Variants in SYNPO2 observed in about 807,000 individuals in gnomAD.
SYNPO2 encodes synaptopodin-2.
Under a neutral mutation model 85.0 loss-of-function variants are expected in SYNPO2, and 56 were observed. That is an observed-to-expected ratio of 0.66 (90% CI 0.53 to 0.82). The LOEUF is 0.82. Among genes scored for constraint, SYNPO2 ranks in the 40% least tolerant of loss-of-function variants. The pLI is 0.00. For synonymous variants in SYNPO2, 602 were observed against 591.1 expected, an observed-to-expected ratio of 1.02 and a Z score of -0.27; for missense variants, 1,575 against 1,534.2, an observed-to-expected ratio of 1.03 and a Z score of -0.44.
chr4:118,863,228 G>A (rs1415232321), intron 1 of SYNPO2, among the ~76,000 whole-genome samples: 2 of 152,176 alleles, frequency 1.3e-5, no homozygotes, highest in Non-Finnish European at 2.9e-5. Context: ...AGTTTGAGTA[G>A]GATTTGTATT....
intron 1 of SYNPO2, among the ~76,000 whole-genome samples, chr4:118,857,534 G>T (rs1731526799): frequency 6.6e-6 from 1 of 152,106 alleles, no homozygotes; most frequent in African/African-American, 2.4e-5. Flanking sequence ...TGCCAGTAAA[G>T]AACCACACAG....
intron 1 of SYNPO2, among the ~76,000 whole-genome samples, chr4:118,980,751 G>C (rs1033867748): frequency 4.6e-5 from 7 of 152,170 alleles, no homozygotes; most frequent in Non-Finnish European, 1.0e-4. Flanking sequence ...TTATAAAATG[G>C]ATAAAAGTGA....
At chr4:118,926,681 G>C (rs547095958) in intron 1 of SYNPO2, among the ~76,000 whole-genome samples, 1 of 152,112 alleles carries the variant, frequency 6.6e-6, no homozygotes, top group Admixed American at 6.6e-5. Flanking sequence ...GCAAAGAAAA[G>C]AATATGATCA....
chr4:118,935,755 A>C (rs76579834), intron 1 of SYNPO2, among the ~76,000 whole-genome samples: 1 of 152,382 alleles, frequency 6.6e-6, no homozygotes, highest in South Asian at 2.1e-4. Context: ...ACACATATTA[A>C]TATCTTGTAC....
At chr4:119,012,384 T>TTC (rs1487472292) in intron 1 of SYNPO2, among the ~76,000 whole-genome samples, 7 of 127,664 alleles carry the variant, frequency 5.5e-5, no homozygotes, top group African/African-American at 2.0e-4. Context: ...TCTTTTTTTT[T>TTC]TTTTTTTTTA....
chr4:118,885,387 G>A (rs1560822794), upstream of SYNPO2, among the ~76,000 whole-genome samples: 1 of 152,078 alleles, frequency 6.6e-6, no homozygotes, highest in Non-Finnish European at 1.5e-5. Flanking sequence ...TGAAGTCCAG[G>A]TCAGAGATAG....
chr4:118,882,321 G>T (rs1034963476), intron 1 of SYNPO2, among the ~76,000 whole-genome samples: 3 of 152,102 alleles, frequency 2.0e-5, no homozygotes, highest in African/African-American at 7.2e-5. Flanking sequence ...AGAAGCTATT[G>T]TTTAAATTTC....
intron 1 of SYNPO2, among the ~76,000 whole-genome samples, chr4:119,010,408 C>T (rs916764370): frequency 1.3e-5 from 2 of 152,162 alleles, no homozygotes; most frequent in African/African-American, 4.8e-5. Flanking sequence ...AAAGCAGAAA[C>T]CCCTGACAAA....
chr4:118,954,040 G>A (rs1021798761), intron 1 of SYNPO2, among the ~76,000 whole-genome samples: 35 of 152,164 alleles, frequency 2.3e-4, no homozygotes, highest in African/African-American at 8.4e-4. Flanking sequence ...CTGTCTATGT[G>A]GGACTGCTCT....
rs28519602 is a variant in SYNPO2, at chr4:118,944,622, A to G, written c.105+55481A>G. ...TCAGGCCGTGTTTTACCAACTAGTA[A>G]TAATTACAAAAAAAACACCCAATAA... is the stretch of plus-strand genomic sequence containing the variant. On this transcript the variant is annotated intron_variant, in intron 1 of 4. Coordinates refer to ENST00000307142, the MANE Select transcript of SYNPO2 (RefSeq NM_133477.3). Among the ~76,000 whole-genome samples the G allele has an allele frequency of 3.3e-3, 496 of 149,686 alleles. 3 individuals are homozygous for G. The highest frequency in any genetic ancestry group is 0.01 in the African/African-American group (413 of 41,088).
At chr4:118,993,162 C>T (rs1401067130) in intron 1 of SYNPO2, among the ~76,000 whole-genome samples, 1 of 150,060 alleles carries the variant, frequency 6.7e-6, no homozygotes, top group East Asian at 1.9e-4. Context: ...AAATTAAATT[C>T]TGATTTTCGG....
chr4:118,889,127 T>G lies in SYNPO2; in HGVS notation c.91T>G (p.Leu31Val), dbSNP rs775813234. ...AGGTGGCAAGGAGCAGAAGCAGCCC[T>G]TACAAGTTGCAAAGGTAGGACCTGA... ...LQGGKEQKQPLQVAKIRNQSK... is the reference protein window; with the variant it reads ...LQGGKEQKQPVQVAKIRNQSK... The change falls in exon 1 of 5, where the codon TTA becomes GTA. Residue 31 changes from leucine to valine, a missense_variant. Physicochemically the swap from Leu to Val is conservative, Grantham distance 32. Around this residue, in one of 3 missense-constraint regions of SYNPO2, gnomAD observed 55 missense variants for 55.5 expected, o/e 0.99. Coordinates refer to ENST00000307142, the MANE Select transcript of SYNPO2 (RefSeq NM_133477.3). 3.1e-6 allele frequency: 5 copies of G among 1,614,126 alleles called. No individual in the cohort carries two copies. Among genetic ancestry groups the G allele is most frequent in the Non-Finnish European group, 4.2e-6 (5 of 1,179,996 alleles).
chr4:118,940,633 G>A (rs1734275181), intron 1 of SYNPO2, among the ~76,000 whole-genome samples: 10 of 152,146 alleles, frequency 6.6e-5, no homozygotes, highest in Admixed American at 6.5e-4. Flanking sequence ...GCTGTAAGGG[G>A]TGCGGTCGGA....
In SYNPO2 at chr4:118,927,264, T is replaced by A. The variant is rs117746861; in HGVS notation, c.105+38123T>A. Among the ~76,000 whole-genome samples, 285 of 152,260 alleles carry A rather than the reference T, an allele frequency of 1.9e-3. 6 individuals are homozygous for A. In the East Asian group the frequency reaches 0.048, roughly 26 times the overall value. ...ATGGATATTTTCTGCATTAAAAAAA[T>A]CCATAATTTGACATTATTCAGGTAT... On this transcript the variant is annotated intron_variant, in intron 1 of 4. Coordinates refer to ENST00000307142, the MANE Select transcript of SYNPO2 (RefSeq NM_133477.3).
At chr4:119,024,988 C>A (rs574773260) in intron 2 of SYNPO2, among the ~76,000 whole-genome samples, 3 of 152,274 alleles carry the variant, frequency 2.0e-5, no homozygotes, top group Non-Finnish European at 4.4e-5. Flanking sequence ...TTTAAAAATT[C>A]TATAATTGTG....
rs190566342 is a variant in SYNPO2 at position 118,882,383 on chromosome 4, C to T, written c.12+31443C>T. 1.2e-3 allele frequency among the ~76,000 whole-genome samples: 186 copies of T among 152,188 alleles called. 4 individuals are homozygous for T. In the East Asian group the frequency reaches 0.036, roughly 29 times the overall value. On this transcript the variant is annotated intron_variant, in intron 1 of 4. Coordinates refer to the SYNPO2 transcript ENST00000610556. ...TTTTTCCCTAAAAATTATCTTTACT[C>T]TTTCTGTTGTTTCAGATAATTCAGT...
chr4:119,029,695 A>G (rs1013627172), intron 3 of SYNPO2, 150 bp from the exon 4 acceptor site: 3 of 720,398 alleles, frequency 4.2e-6, no homozygotes, highest in Non-Finnish European at 6.4e-6. Context: ...AATAAGAAAA[A>G]GAAATGTGTT....
Position 119,056,056 on chromosome 4 carries a change from G to A in SYNPO2, c.3253-1345G>A, listed in dbSNP as rs577406408. ...TAAGCATGGTAATGTTTTTTGTTAG[G>A]AAACAGGATGTTTTGATACTTTCAA... On this transcript the variant is annotated intron_variant, in intron 4 of 4. Transcript: ENST00000307142. 1.5e-4 allele frequency among the ~76,000 whole-genome samples: 23 copies of A among 152,290 alleles called. No individual in the cohort carries two copies. In the South Asian group the frequency reaches 3.3e-3, roughly 22 times the overall value.
intron 1 of SYNPO2, among the ~76,000 whole-genome samples, chr4:118,983,661 T>C (rs1736113822): frequency 6.6e-6 from 1 of 152,198 alleles, no homozygotes; most frequent in South Asian, 2.1e-4. Context: ...CTCCTTGATA[T>C]AAGAATTTTT....
Sources: allele counts gnomAD v4.1 joint callset (sites outside exome capture counted in the v4.1 genomes callset), GRCh38; gene constraint gnomAD v4.1.1; regional missense constraint gnomAD v4.1.1; transcripts MANE v1.5; gene names NCBI Gene and HGNC (gene_info 2026-07-23, HGNC 2026-07-21).